GPBP1: variants seen among roughly 807,000 people sequenced by gnomAD.
GPBP1 encodes the protein vasculin.
In GPBP1, 13 loss-of-function variants were observed where a neutral mutation model predicts 56.5. The ratio of observed to expected loss-of-function variants is 0.23; its 90% CI spans 0.15 to 0.37. GPBP1 has a LOEUF of 0.37. Ranked by LOEUF, GPBP1 falls within the 10% of genes least tolerant of loss-of-function variation. GPBP1 has a pLI of 1.00. For missense variants in GPBP1, 477 were observed against 572.3 expected (o/e 0.83, Z 1.70); for synonymous variants, 204 against 188.9 (o/e 1.08, Z -0.66).
At chr5:57,204,236 C>G (rs900666416) in intron 2 of GPBP1, among the ~76,000 whole-genome samples, 1 of 151,874 alleles carries the variant, frequency 6.6e-6, no homozygotes, top group Non-Finnish European at 1.5e-5. Context: ...ACATGTTTTA[C>G]AGCTTGTTTT....
rs979320985 is a variant in GPBP1 at position 57,264,120 on chromosome 5, G to T, written c.*1368G>T. ...TCACCAGAAACTGTTATTTTTTTTTGTTGTTGTTCCCACTGAGACTGATGG... is the reference window on the plus strand; with the variant it reads ...TCACCAGAAACTGTTATTTTTTTTTTTTGTTGTTCCCACTGAGACTGATGG... On this transcript the variant is annotated 3_prime_UTR_variant, in exon 12 of 12. Coordinates refer to ENST00000506184, the MANE Select transcript of GPBP1 (RefSeq NM_022913.4). The T allele has an allele frequency of 5.3e-5, 8 of 150,754 alleles. No homozygotes were observed. The highest frequency in any genetic ancestry group is 4.2e-4 in the South Asian group (2 of 4,778). 9.3% of individuals were successfully genotyped at this position (150,754 alleles called of 1,614,324 possible). A position where few individuals can be genotyped will look rare whatever the true frequency, so the allele number is the denominator to read the frequency against.
chr5:57,189,898 T>G (rs1412240677), intron 2 of GPBP1, among the ~76,000 whole-genome samples: 2 of 152,190 alleles, frequency 1.3e-5, no homozygotes, highest in African/African-American at 2.4e-5. Flanking sequence ...CAGCTCAATT[T>G]TAGCTCAAAC....
intron 10 of GPBP1, among the ~76,000 whole-genome samples, chr5:57,253,021 T>G (rs997577079): frequency 3.3e-5 from 5 of 152,192 alleles, no homozygotes; most frequent in Admixed American, 2.0e-4. Flanking sequence ...CTGTAAACTT[T>G]TAACAGCACT....
At chr5:57,205,974 C>G (rs1755215915) in intron 2 of GPBP1, among the ~76,000 whole-genome samples, 1 of 152,026 alleles carries the variant, frequency 6.6e-6, no homozygotes, top group African/African-American at 2.4e-5. Context: ...ACTGTGTTGC[C>G]CAGGTTAGTC....
intron 8 of GPBP1, among the ~76,000 whole-genome samples, chr5:57,248,419 A>AT (rs70999069): frequency 0.036 from 3,529 of 99,184 alleles, 299 homozygotes; most frequent in Non-Finnish European, 0.051. Context: ...CTCATATACT[A>AT]TTTTTTTTTT....
intron 2 of GPBP1, among the ~76,000 whole-genome samples, chr5:57,211,722 T>C (rs966093144): frequency 4.6e-5 from 7 of 151,780 alleles, no homozygotes; most frequent in Non-Finnish European, 1.0e-4. Context: ...TAGCTGGGAT[T>C]ACAGGCATGC....
intron 3 of GPBP1, among the ~76,000 whole-genome samples, chr5:57,220,051 CAAA>C (rs34443889): frequency 1.1e-4 from 9 of 80,018 alleles, no homozygotes; most frequent in South Asian, 4.1e-4. Flanking sequence ...GACCCTGTCT[CAAA>C]AAAAAAAAAA....
intron 10 of GPBP1, among the ~76,000 whole-genome samples, chr5:57,252,750 G>T (rs994665834): frequency 1.4e-5 from 2 of 145,496 alleles, no homozygotes; most frequent in East Asian, 4.0e-4. Flanking sequence ...TTGCTCTGTT[G>T]CCCAGGCTGG....
intron 2 of GPBP1, among the ~76,000 whole-genome samples, chr5:57,186,397 A>T (rs997540393): frequency 2.0e-5 from 3 of 151,634 alleles, no homozygotes; most frequent in Non-Finnish European, 4.4e-5. Context: ...TTAAAAAAAA[A>T]AAAAAATTTT....
chr5:57,178,674 A>T (rs1337738793), intron 2 of GPBP1, among the ~76,000 whole-genome samples: 1 of 152,348 alleles, frequency 6.6e-6, no homozygotes, highest in South Asian at 2.1e-4. Flanking sequence ...ACATTTGTCA[A>T]CTTTGCGTAC....
chr5:57,250,259 C>A (rs1741319113), intron 9 of GPBP1, among the ~76,000 whole-genome samples: 1 of 151,838 alleles, frequency 6.6e-6, no homozygotes, highest in Non-Finnish European at 1.5e-5. Flanking sequence ...CTGCCTTGGC[C>A]TCCCAAAGTG....
intron 3 of GPBP1, among the ~76,000 whole-genome samples, chr5:57,217,918 T>C (rs1399795461): frequency 6.6e-6 from 1 of 152,210 alleles, no homozygotes. Context: ...AAAATATCTT[T>C]CTCATAAATA....
intron 2 of GPBP1, among the ~76,000 whole-genome samples, chr5:57,211,431 C>T (rs1173295882): frequency 6.6e-6 from 1 of 152,186 alleles, no homozygotes; most frequent in Non-Finnish European, 1.5e-5. Flanking sequence ...TCAAGGGAGC[C>T]TCCCACTTCA....
At position 57,190,694 on chromosome 5, in the gene GPBP1, C is replaced by CTTTTT. The variant is rs773540051; in HGVS notation, c.-58+14318_-58+14322dup. On this transcript the variant is annotated intron_variant, in intron 2 of 11. Coordinates refer to ENST00000506184, the MANE Select transcript of GPBP1 (RefSeq NM_022913.4). ...AGACTGGCTTTGGATTTGCTGTTAG[C>CTTTTT]TTTTTTTTTTTTTTTTTTTTTTTTT... Among the ~76,000 whole-genome samples, 20 of 68,872 alleles carry CTTTTT rather than the reference C, an allele frequency of 2.9e-4. 4 individuals carry two copies. Among genetic ancestry groups the CTTTTT allele is most frequent in the South Asian group, 9.3e-4 (2 of 2,140 alleles). 45.2% of individuals were successfully genotyped at this position (68,872 alleles called of 152,430 possible). A position where few individuals can be genotyped will look rare whatever the true frequency, so the allele number is the denominator to read the frequency against.
chr5:57,188,692 G>A (rs889137367), intron 2 of GPBP1, among the ~76,000 whole-genome samples: 41 of 152,208 alleles, frequency 2.7e-4, no homozygotes, highest in Non-Finnish European at 1.3e-4. Flanking sequence ...GTAGTGAGCC[G>A]AGATCGTGGC....
intron 10 of GPBP1, among the ~76,000 whole-genome samples, chr5:57,255,836 C>G (rs1277522174): frequency 6.6e-6 from 1 of 151,962 alleles, no homozygotes; most frequent in East Asian, 1.9e-4. Context: ...TTTGATGGTT[C>G]TTCTTTCATT....
At chr5:57,189,478 G>C (rs1000434001) in intron 2 of GPBP1, among the ~76,000 whole-genome samples, 5 of 152,060 alleles carry the variant, frequency 3.3e-5, no homozygotes, top group African/African-American at 9.7e-5. Context: ...GGCAGGTCTC[G>C]AACTCCTGGC....
At chr5:57,191,052 A>C (rs1239697031) in intron 2 of GPBP1, among the ~76,000 whole-genome samples, 1 of 151,584 alleles carries the variant, frequency 6.6e-6, no homozygotes, top group Non-Finnish European at 1.5e-5. Flanking sequence ...CTGGGGTTAC[A>C]GGTGTGAGCC....
chr5:57,232,642 A>G (rs1241762509), intron 5 of GPBP1, among the ~76,000 whole-genome samples: 1 of 152,218 alleles, frequency 6.6e-6, no homozygotes, highest in Non-Finnish European at 1.5e-5. Context: ...AATCAGGACA[A>G]ATACAGAATG....
Sources: allele counts gnomAD v4.1 joint callset (sites outside exome capture counted in the v4.1 genomes callset), GRCh38; gene constraint gnomAD v4.1.1; transcripts MANE v1.5; gene names NCBI Gene and HGNC (gene_info 2026-07-23, HGNC 2026-07-21).